GIT2: variants seen among roughly 807,000 people sequenced by gnomAD.
GIT2 encodes the protein GIT ArfGAP 2.
GIT2 carries 32 observed loss-of-function variants against 100.3 expected under a neutral mutation model. The ratio of observed to expected loss-of-function variants is 0.32; its 90% CI spans 0.24 to 0.43. GIT2 has a LOEUF of 0.43. Among genes scored for constraint, GIT2 ranks in the 20% least tolerant of loss-of-function variants. The pLI, the probability that GIT2 is intolerant of heterozygous loss-of-function variation, is 1.00. For missense variants in GIT2, 737 were observed against 975.1 expected (o/e 0.76, Z 3.25); for synonymous variants, 353 against 364.1 (o/e 0.97, Z 0.35).
At chr12:109,989,165 C>T in intron 3 of GIT2, 97 bp from the exon 4 acceptor site, 1 of 766,532 alleles carries the variant, frequency 1.3e-6, no homozygotes, top group Non-Finnish European at 2.3e-6. Context: ...CCCACATCCC[C>T]CACTTGAGAA....
In GIT2 at chr12:109,933,128, C is replaced by T; in HGVS notation, c.2130G>A (p.Leu710=). The change falls in exon 20 of 20, where the codon CTG becomes CTA. Residue 710 remains leucine (L), a synonymous_variant. Coordinates refer to ENST00000355312, the MANE Select transcript of GIT2 (RefSeq NM_057169.5). This position sits in a 1 kb window ranked among gnomAD's most constrained non-coding sequence, Gnocchi z 4.5. ...GGAGGGTCTTCTTGCACTCTGACTG[C>T]AGTCGGTAGGCACTGGACGTCAGTA... ...LRLLTSSAYR[L]QSECKKTLPG... 1.9e-6 allele frequency: 3 copies of T among 1,607,940 alleles called. No individual in the cohort carries two copies. The highest frequency in any genetic ancestry group is 2.5e-6 in the Non-Finnish European group (3 of 1,176,730).
intron 12 of GIT2, among the ~76,000 whole-genome samples, chr12:109,956,222 G>A (rs574450273): frequency 1.4e-4 from 21 of 152,234 alleles, no homozygotes; most frequent in East Asian, 5.8e-4. Flanking sequence ...GAGCCACTGC[G>A]TCTGGCCAAG....
upstream of GIT2, chr12:109,999,456 C>T (rs529179151): frequency 1.9e-4 from 45 of 237,270 alleles, no homozygotes; most frequent in South Asian, 6.6e-3. The surrounding 1 kb of genome is among the most constrained non-coding windows in gnomAD (Gnocchi z 4.3). Flanking sequence ...GCTGTCAGCG[C>T]GGGCGGGAAC....
intron 7 of GIT2, among the ~76,000 whole-genome samples, chr12:109,978,827 T>C (rs527521148): frequency 6.6e-6 from 1 of 152,342 alleles, no homozygotes; most frequent in East Asian, 1.9e-4. Flanking sequence ...ACGCCAACAT[T>C]TGTGTCATCT....
rs1183226098 is a variant in GIT2 at position 109,962,111 on chromosome 12, G to T, written c.817-426C>A. ...TGCACACCTATAATCCCAGCACTTT[G>T]GGAGACTGAGGCAGGTGGATTGCTT... On this transcript the variant is annotated intron_variant, in intron 9 of 19. Coordinates refer to ENST00000355312, the MANE Select transcript of GIT2 (RefSeq NM_057169.5). This position sits in a 1 kb window ranked among gnomAD's most constrained non-coding sequence, Gnocchi z 4.3. Among the ~76,000 whole-genome samples the T allele has an allele frequency of 2.6e-5, 4 of 151,336 alleles. No homozygotes were observed. The highest frequency in any genetic ancestry group is 5.9e-5 in the Non-Finnish European group (4 of 67,410).
chr12:109,963,178 A>G (rs532236585), intron 9 of GIT2, among the ~76,000 whole-genome samples: 3 of 152,368 alleles, frequency 2.0e-5, no homozygotes, highest in African/African-American at 7.2e-5. Flanking sequence ...GAAATGTACC[A>G]AAATATTGAG....
In GIT2 at chr12:109,947,100, A is replaced by G. The variant is rs1876557472; in HGVS notation, c.1641+156T>C. 6.6e-6 allele frequency among the ~76,000 whole-genome samples: 1 copy of G among 152,150 alleles called. No homozygotes were observed. The highest frequency in any genetic ancestry group is 1.5e-5 in the Non-Finnish European group (1 of 68,028). Reference sequence around the variant, plus strand: ...CCCTGTGTGCTTGTGGGAATATCGCAAGCATCTGTGGACATGTTAATACAG... The same window carrying G: ...CCCTGTGTGCTTGTGGGAATATCGCGAGCATCTGTGGACATGTTAATACAG... On this transcript the variant is annotated intron_variant, in intron 15 of 19. Transcript: ENST00000355312. This position sits in a 1 kb window ranked among gnomAD's most constrained non-coding sequence, Gnocchi z 4.3.
chr12:109,961,332 T>G lies in GIT2; in HGVS notation c.933A>C (p.Thr311=). Residue 311 remains threonine (T), a synonymous_variant, in exon 11 of 20, where the codon ACA becomes ACC. Transcript: ENST00000355312. The part of the protein sequence containing the change: ...TQNHSALVTE[T]TVVPFLPVNP... ...TGACCGGAAGAAAGGGGACGACCGT[T>G]GTCTCGGTTACCAGGGCGCTGTGGT... 3.7e-6 allele frequency: 6 copies of G among 1,613,754 alleles called. No individual in the cohort carries two copies. Among genetic ancestry groups the G allele is most frequent in the Non-Finnish European group, 5.1e-6 (6 of 1,179,638 alleles).
chr12:109,936,341 A>C (rs571293227), intron 18 of GIT2, among the ~76,000 whole-genome samples: 5 of 152,084 alleles, frequency 3.3e-5, no homozygotes, highest in Admixed American at 2.6e-4. Flanking sequence ...AGAAAAAAAA[A>C]AGAAATTTCC....
At chr12:109,966,326 G>A (rs1287055772) in intron 8 of GIT2, among the ~76,000 whole-genome samples, 2 of 150,850 alleles carry the variant, frequency 1.3e-5, no homozygotes, top group African/African-American at 4.9e-5. Context: ...TGGCCAACAT[G>A]GTGAAACCCC....
rs1883651898 is a variant in GIT2, at chr12:109,970,722, C to T, written c.719-3219G>A. Among the ~76,000 whole-genome samples, 4 of 152,322 alleles carry T rather than the reference C, an allele frequency of 2.6e-5. No individual in the cohort carries two copies. The South Asian group carries it at 8.3e-4, about 32-fold the overall frequency. On this transcript the variant is annotated intron_variant, in intron 7 of 19. Transcript: ENST00000355312. ...AAAAATTGGGTGCTGTACTTCCTTC[C>T]ACATTATTCTTCTGCAAAATTGTCT...
intron 14 of GIT2, chr12:109,949,100 G>T (rs978753009): frequency 6.3e-5 from 33 of 525,328 alleles, no homozygotes; most frequent in Non-Finnish European, 9.0e-5. Context: ...CACAAAGGCT[G>T]GCAGGGTATA....
chr12:109,987,247 G>A (rs1887579809), intron 4 of GIT2, among the ~76,000 whole-genome samples: 1 of 151,358 alleles, frequency 6.6e-6, no homozygotes, highest in Non-Finnish European at 1.5e-5. Context: ...AGCCGGGTGT[G>A]GTGGTGGGCA....
At chr12:109,994,455 C>T (rs1888974160) in intron 1 of GIT2, among the ~76,000 whole-genome samples, 2 of 152,144 alleles carry the variant, frequency 1.3e-5, no homozygotes, top group South Asian at 4.1e-4. Context: ...GGGTCCCTAA[C>T]CCTACAGGTA....
intron 4 of GIT2, among the ~76,000 whole-genome samples, chr12:109,987,599 T>C (rs534707755): frequency 5.3e-5 from 8 of 151,832 alleles, no homozygotes; most frequent in Admixed American, 5.2e-4. Context: ...CCCAGGTAGC[T>C]GGTACTACAG....
rs936398570 is a variant in GIT2 at position 109,962,309 on chromosome 12, C to A, written c.817-624G>T. Among the ~76,000 whole-genome samples the A allele has an allele frequency of 2.6e-5, 4 of 151,548 alleles. No individual in the cohort carries two copies. The highest frequency in any genetic ancestry group is 5.9e-5 in the Non-Finnish European group (4 of 67,570). ...TCAAGGCTGCAGTGAGCCAAGATCA[C>A]ACCACTGCACTCCAGGCTGGGTGAC... On this transcript the variant is annotated intron_variant, in intron 9 of 19. Coordinates refer to ENST00000355312, the MANE Select transcript of GIT2 (RefSeq NM_057169.5). The surrounding 1 kb of genome is among the most constrained non-coding windows in gnomAD (Gnocchi z 4.3).
Position 109,932,924 on chromosome 12 carries a change from T to C in GIT2, c.*54A>G. On this transcript the variant is annotated 3_prime_UTR_variant, in exon 20 of 20. Transcript: ENST00000355312. ...ATCTGAAGAGTTCTGCGTCTGAATT[T>C]GAAATTGGACTTTATAAAGCCTAGA... 4 of 1,002,176 alleles carry C rather than the reference T, an allele frequency of 4.0e-6. No individual in the cohort carries two copies. The highest frequency in any genetic ancestry group is 6.4e-6 in the Non-Finnish European group (4 of 626,966). The allele number at this position is 1,002,176 out of a possible 1,614,324, so 62.1% of individuals were successfully genotyped here.
At position 109,947,397 on chromosome 12, in the gene GIT2, G is replaced by C; in HGVS notation, c.1500C>G (p.Ser500=). 6.2e-7 allele frequency: 1 copy of C among 1,614,162 alleles called. No individual in the cohort carries two copies. Among genetic ancestry groups the C allele is most frequent in the Non-Finnish European group, 8.5e-7 (1 of 1,179,994 alleles). The change falls in exon 15 of 20, where the codon TCC becomes TCG. Residue 500 remains serine (S), a synonymous_variant. Coordinates refer to ENST00000355312, the MANE Select transcript of GIT2 (RefSeq NM_057169.5). The surrounding 1 kb of genome is among the most constrained non-coding windows in gnomAD (Gnocchi z 4.3). ...SEYTDTSNHS[S]LKRRPSARGS... is the part of the protein sequence containing the mutation. ...CCCGGGCAGACGGACGTCTCTTTAA[G>C]GAAGAGTGGTTGGAAGTGTCTGTGT... is the stretch of plus-strand genomic sequence containing the variant.
In GIT2 at chr12:109,980,947, C is replaced by T; in HGVS notation, c.718+5G>A. On this transcript the variant is annotated splice_donor_5th_base_variant and intron_variant, in intron 7 of 19. Transcript: ENST00000355312. The stretch of plus-strand genomic sequence containing the variant: ...ATGTGAAACGGTCATTCTCCATCCA[C>T]TCACCTGGTTTCCTGCCACAGAGAT... 2 of 1,570,196 alleles carry T rather than the reference C, an allele frequency of 1.3e-6. No homozygotes were observed. The highest frequency in any genetic ancestry group is 1.8e-6 in the Non-Finnish European group (2 of 1,139,814).
Sources: gnomAD v4.1 joint callset for allele counts (sites outside exome capture counted in the v4.1 genomes callset) on GRCh38, gnomAD v4.1.1 for gene constraint, Gnocchi (gnomAD v3.1) non-coding constraint, MANE v1.5 for transcripts, NCBI Gene and HGNC (gene_info 2026-07-23, HGNC 2026-07-21) for gene names.